Variants in TAFA2 observed in about 807,000 individuals in gnomAD.
TAFA2 encodes chemokine-like protein TAFA-2.
TAFA2 carries 7 observed loss-of-function variants against 18.8 expected under a neutral mutation model. The observed-to-expected ratio is 0.37, with a 90% CI of 0.21 to 0.70. The LOEUF (loss-of-function observed/expected upper bound fraction) is 0.70, where lower values mean the gene tolerates loss of function less well. Among genes scored for constraint, TAFA2 ranks in the 30% least tolerant of loss-of-function variants. The probability of loss-of-function intolerance (pLI) is 0.53; values close to 1 mark genes in which losing one functional copy is unlikely to be tolerated. For synonymous variants in TAFA2, 60 were observed against 54.2 expected, an observed-to-expected ratio of 1.11 and a Z score of -0.47; for missense variants, 122 against 158.1, an observed-to-expected ratio of 0.77 and a Z score of 1.23.
At chr12:62,044,586 T>C (rs1283595171) in intron 1 of TAFA2, among the ~76,000 whole-genome samples, 1 of 152,110 alleles carries the variant, frequency 6.6e-6, no homozygotes, top group Admixed American at 6.6e-5. Flanking sequence ...TGGCAAGTGA[T>C]TTTCAACTCA....
intron 1 of TAFA2, among the ~76,000 whole-genome samples, chr12:61,961,452 G>C (rs1462321665): frequency 6.6e-6 from 1 of 151,976 alleles, no homozygotes; most frequent in East Asian, 1.9e-4. Flanking sequence ...AATCAAAAAT[G>C]TATTCTAGAG....
intron 2 of TAFA2, among the ~76,000 whole-genome samples, chr12:61,819,002 G>C (rs753893258): frequency 6.6e-6 from 1 of 152,072 alleles, no homozygotes; most frequent in Non-Finnish European, 1.5e-5. Context: ...CTCTAGACCC[G>C]ATCATGACTT....
At chr12:61,836,732 G>GATATATATGTATATATATAT (rs58543429) in intron 2 of TAFA2, among the ~76,000 whole-genome samples, 10 of 112,780 alleles carry the variant, frequency 8.9e-5, no homozygotes, top group East Asian at 2.8e-4. Flanking sequence ...TTGCCAATTT[G>GATATATATGTATATATATAT]ATATATATAT....
chr12:61,721,912 G>T (rs1484801216), intron 4 of TAFA2, among the ~76,000 whole-genome samples: 3 of 136,514 alleles, frequency 2.2e-5, no homozygotes, highest in Non-Finnish European at 5.0e-5. Flanking sequence ...CCAAGATCAT[G>T]CCATTGCACT....
chr12:61,871,522 C>A (rs1261866733), intron 1 of TAFA2, among the ~76,000 whole-genome samples: 1 of 152,100 alleles, frequency 6.6e-6, no homozygotes, highest in Non-Finnish European at 1.5e-5. Context: ...TGAAAAGAAA[C>A]TGGAAACTAA....
intron 2 of TAFA2, among the ~76,000 whole-genome samples, chr12:61,816,265 A>T (rs900449576): frequency 2.0e-5 from 3 of 151,240 alleles, no homozygotes; most frequent in Non-Finnish European, 4.4e-5. Flanking sequence ...GTAAGTGGAA[A>T]CATGCAATAT....
At chr12:61,826,932 G>A (rs1373872880) in intron 2 of TAFA2, among the ~76,000 whole-genome samples, 2 of 151,946 alleles carry the variant, frequency 1.3e-5, no homozygotes, top group African/African-American at 4.8e-5. Context: ...AAATTACACT[G>A]ACAAAATGAC....
chr12:62,169,215 A>C (rs879326945), intron 1 of TAFA2, among the ~76,000 whole-genome samples: 1 of 152,220 alleles, frequency 6.6e-6, no homozygotes, highest in African/African-American at 2.4e-5. Context: ...GCCTAGTTCT[A>C]AATGAAACAA....
At chr12:62,212,895 AATT>A (rs1197282811) in intron 1 of TAFA2, among the ~76,000 whole-genome samples, 3 of 152,228 alleles carry the variant, frequency 2.0e-5, no homozygotes, top group Non-Finnish European at 4.4e-5. Context: ...TTAAGGTAAA[AATT>A]ATTAACAGAA....
chr12:62,037,503 T>G (rs1288208382), intron 1 of TAFA2, among the ~76,000 whole-genome samples: 1 of 152,188 alleles, frequency 6.6e-6, no homozygotes, highest in Non-Finnish European at 1.5e-5. Context: ...CACAAGTAAA[T>G]AGAATGCCTG....
chr12:62,114,436 G>A (rs1146082), intron 1 of TAFA2, among the ~76,000 whole-genome samples: 76,433 of 152,006 alleles, frequency 0.5, 19,753 homozygotes, highest in Non-Finnish European at 0.55. Flanking sequence ...GTTCCTATTC[G>A]GCCATCTTGC....
At chr12:61,732,752 TGTGC>T (rs1165866936) in intron 4 of TAFA2, among the ~76,000 whole-genome samples, 5 of 151,908 alleles carry the variant, frequency 3.3e-5, no homozygotes, top group Admixed American at 6.6e-5. Context: ...TGTGTGTGTG[TGTGC>T]GTGCGTGCGT....
intron 1 of TAFA2, among the ~76,000 whole-genome samples, chr12:61,954,426 T>C (rs1396821773): frequency 2.0e-5 from 3 of 152,166 alleles, no homozygotes; most frequent in Admixed American, 2.0e-4. Context: ...ATTTGTAATA[T>C]AAAAATATAA....
intron 1 of TAFA2, chr12:61,879,819 G>C: frequency 7.0e-7 from 1 of 1,437,808 alleles, no homozygotes; most frequent in Non-Finnish European, 9.7e-7. Flanking sequence ...GCAGAGCTTG[G>C]CAACATGCAG....
At chr12:61,977,700 A>T (rs1310937264) in intron 1 of TAFA2, among the ~76,000 whole-genome samples, 3 of 152,066 alleles carry the variant, frequency 2.0e-5, no homozygotes, top group African/African-American at 7.2e-5. Context: ...GCTTTCATTT[A>T]ATTCTACAGG....
intron 1 of TAFA2, among the ~76,000 whole-genome samples, chr12:62,090,310 C>G (rs1250861600): frequency 6.6e-6 from 1 of 152,034 alleles, no homozygotes; most frequent in East Asian, 1.9e-4. Flanking sequence ...AAATTTGACT[C>G]TGAACAAAAT....
intron 1 of TAFA2, among the ~76,000 whole-genome samples, chr12:62,081,774 C>G (rs544873913): frequency 6.6e-6 from 1 of 152,052 alleles, no homozygotes; most frequent in East Asian, 1.9e-4. Context: ...CATGAGCCAC[C>G]GCGCCCAACC....
chr12:62,098,808 AAT>A lies in TAFA2; in HGVS notation c.-2+92449_-2+92450del, dbSNP rs1247415583. Among the ~76,000 whole-genome samples, 7 of 152,316 alleles carry A rather than the reference AAT, an allele frequency of 4.6e-5. No homozygotes were observed. The East Asian group carries it at 1.4e-3, about 29-fold the overall frequency. ...GATATTAAAATTGAAATTGAATAAA[AAT>A]ATGAATTCATATTTGACCACTTAAC... On this transcript the variant is annotated intron_variant, in intron 1 of 4. Transcript: ENST00000416284.
intron 1 of TAFA2, among the ~76,000 whole-genome samples, chr12:62,180,304 G>C (rs2062543536): frequency 6.6e-6 from 1 of 152,150 alleles, no homozygotes; most frequent in Non-Finnish European, 1.5e-5. Flanking sequence ...TTAGAGCTTA[G>C]TTACACAAGT....
Sources: gnomAD v4.1 joint callset for allele counts (sites outside exome capture counted in the v4.1 genomes callset) on GRCh38, gnomAD v4.1.1 for gene constraint, MANE v1.5 for transcripts, NCBI Gene and HGNC (gene_info 2026-07-23, HGNC 2026-07-21) for gene names.